The following CPEB3 variants were observed in gnomAD, a reference collection of about 807,000 sequenced individuals.
CPEB3 encodes cytoplasmic polyadenylation element binding protein 3.
CPEB3 carries 20 observed loss-of-function variants against 67.2 expected under a neutral mutation model. The observed-to-expected ratio is 0.30, with a 90% CI of 0.21 to 0.43. The LOEUF (loss-of-function observed/expected upper bound fraction) is 0.43. Among genes scored for constraint, CPEB3 ranks in the 20% least tolerant of loss-of-function variants. The pLI is 1.00. For synonymous variants in CPEB3, 376 were observed against 393.1 expected (o/e 0.96, Z 0.51); for missense variants, 746 against 968.6 (o/e 0.77, Z 3.05).
intron 2 of CPEB3, chr10:92,204,252 A>C (rs1849673835): frequency 6.6e-6 from 1 of 151,918 alleles, no homozygotes; most frequent in African/African-American, 2.4e-5. Flanking sequence ...GATTCACCAG[A>C]ATCTGACAGG....
At chr10:92,219,150 G>A (rs552406875) in intron 2 of CPEB3, among the ~76,000 whole-genome samples, 1 of 152,248 alleles carries the variant, frequency 6.6e-6, no homozygotes, top group East Asian at 1.9e-4. Flanking sequence ...ACCCCTAGAA[G>A]AAAATTCTTA....
intron 1 of CPEB3, among the ~76,000 whole-genome samples, chr10:92,274,993 C>T (rs2135019892): frequency 6.6e-6 from 1 of 152,228 alleles, no homozygotes; most frequent in Non-Finnish European, 1.5e-5. Context: ...AAAAACAGGG[C>T]CGAACCCATG....
rs1178507162 is a variant in CPEB3 at position 92,081,211 on chromosome 10, G to A, written c.1869+109C>T. ...AGATGAATTCATGGACTAATGCCATGCAAGGTAGAGCTGGTCACTTATGAT... is the reference window on the plus strand; with the variant it reads ...AGATGAATTCATGGACTAATGCCATACAAGGTAGAGCTGGTCACTTATGAT... On this transcript the variant is annotated intron_variant, in intron 9 of 9. Coordinates refer to ENST00000265997, the MANE Select transcript of CPEB3 (RefSeq NM_014912.5). 23 of 1,145,326 alleles carry A rather than the reference G, an allele frequency of 2.0e-5. No individual in the cohort carries two copies. In the East Asian group the frequency reaches 4.7e-4, roughly 23 times the overall value. The allele number at this position is 1,145,326 out of a possible 1,614,324, so 70.9% of individuals were successfully genotyped here.
At chr10:92,171,251 T>C (rs1185927458) in intron 4 of CPEB3, among the ~76,000 whole-genome samples, 2 of 152,180 alleles carry the variant, frequency 1.3e-5, no homozygotes, top group Non-Finnish European at 2.9e-5. Flanking sequence ...CAAAAACACC[T>C]TCCTCTTCTG....
intron 2 of CPEB3, among the ~76,000 whole-genome samples, chr10:92,220,168 T>G (rs914288260): frequency 1.8e-4 from 28 of 151,946 alleles, no homozygotes; most frequent in South Asian, 6.2e-4. Context: ...AAAATCAATC[T>G]CCCACCCAGC....
At chr10:92,103,205 C>T (rs1236627849) in intron 7 of CPEB3, among the ~76,000 whole-genome samples, 1 of 152,180 alleles carries the variant, frequency 6.6e-6, no homozygotes, top group African/African-American at 2.4e-5. Context: ...ATGCAAATTT[C>T]TGATGCCACT....
chr10:92,232,893 TAAAG>T lies in CPEB3; in HGVS notation c.1005+6449_1005+6452del, dbSNP rs1376250729. Among the ~76,000 whole-genome samples, 3 of 152,348 alleles carry T rather than the reference TAAAG, an allele frequency of 2.0e-5. No homozygotes were observed. The South Asian group carries it at 6.2e-4, about 32-fold the overall frequency. ...TTTGTACTAACTCACGACAAGGTCA[TAAAG>T]AGTTTAAACAAGGCTAACCACTTTT... On this transcript the variant is annotated intron_variant, in intron 2 of 9. Coordinates refer to ENST00000265997, the MANE Select transcript of CPEB3 (RefSeq NM_014912.5).
intron 2 of CPEB3, among the ~76,000 whole-genome samples, chr10:92,233,206 A>T (rs1851357282): frequency 6.6e-6 from 1 of 152,114 alleles, no homozygotes; most frequent in Non-Finnish European, 1.5e-5. Context: ...GACAATTTAT[A>T]TTACCTCCTG....
At chr10:92,248,345 T>C (rs1456735010) in intron 1 of CPEB3, among the ~76,000 whole-genome samples, 1 of 152,214 alleles carries the variant, frequency 6.6e-6, no homozygotes, top group Admixed American at 6.5e-5. Context: ...TTTTTCCAAA[T>C]ATTTTTGATC....
At chr10:92,256,656 A>T (rs1219602475) in intron 1 of CPEB3, among the ~76,000 whole-genome samples, 3 of 152,172 alleles carry the variant, frequency 2.0e-5, no homozygotes, top group Non-Finnish European at 2.9e-5. Context: ...AAGTACTGGG[A>T]TTACAGGCAT....
intron 6 of CPEB3, among the ~76,000 whole-genome samples, chr10:92,139,640 T>C (rs929877022): frequency 2.4e-4 from 36 of 152,202 alleles, no homozygotes; most frequent in African/African-American, 8.4e-4. Flanking sequence ...ACAGGGTGAC[T>C]ACAATCAACA....
At chr10:92,089,122 A>G (rs1208937933) in intron 8 of CPEB3, among the ~76,000 whole-genome samples, 1 of 152,214 alleles carries the variant, frequency 6.6e-6, no homozygotes, top group Admixed American at 6.5e-5. Flanking sequence ...ACTGTACTGT[A>G]TTCAACTTCA....
At chr10:92,092,405 T>C (rs1170323915) in intron 7 of CPEB3, among the ~76,000 whole-genome samples, 2 of 152,204 alleles carry the variant, frequency 1.3e-5, no homozygotes, top group East Asian at 3.8e-4. Context: ...AATTCAAACA[T>C]ATCTTTCAGC....
intron 1 of CPEB3, among the ~76,000 whole-genome samples, chr10:92,257,503 C>T (rs1264325907): frequency 6.6e-6 from 1 of 151,888 alleles, no homozygotes; most frequent in Non-Finnish European, 1.5e-5. Flanking sequence ...GCCATGTTGC[C>T]CAGGCTGGTT....
At chr10:92,157,599 T>G (rs1233990394) in intron 4 of CPEB3, among the ~76,000 whole-genome samples, 1 of 152,168 alleles carries the variant, frequency 6.6e-6, no homozygotes, top group Admixed American at 6.6e-5. Context: ...AACTTAAGCT[T>G]CATTTACTTC....
intron 1 of CPEB3, among the ~76,000 whole-genome samples, chr10:92,281,776 T>C (rs1842307531): frequency 6.6e-6 from 1 of 152,226 alleles, no homozygotes; most frequent in African/African-American, 2.4e-5. Context: ...TGTTTTCTTT[T>C]TGCATGCACA....
chr10:92,244,730 C>T (rs1355322913), intron 1 of CPEB3, among the ~76,000 whole-genome samples: 1 of 152,144 alleles, frequency 6.6e-6, no homozygotes, highest in African/African-American at 2.4e-5. Flanking sequence ...AGCCACCGCA[C>T]CTGGCCAAGT....
chr10:92,275,399 C>T (rs1364094878), intron 1 of CPEB3, among the ~76,000 whole-genome samples: 1 of 152,152 alleles, frequency 6.6e-6, no homozygotes, highest in East Asian at 1.9e-4. Flanking sequence ...TTCTGGGCAA[C>T]TTTTCATTAC....
chr10:92,215,896 C>T (rs189202434), intron 2 of CPEB3, among the ~76,000 whole-genome samples: 2,196 of 150,984 alleles, frequency 0.015, 56 homozygotes, highest in African/African-American at 0.05. Flanking sequence ...ACTACAGGTG[C>T]GTGCCACCAC....
Sources: gnomAD v4.1 joint callset for allele counts (sites outside exome capture counted in the v4.1 genomes callset) on GRCh38, gnomAD v4.1.1 for gene constraint, MANE v1.5 for transcripts, NCBI Gene and HGNC (gene_info 2026-07-23, HGNC 2026-07-21) for gene names.